The following PITPNM1 variants were observed in gnomAD, a reference collection of about 807,000 sequenced individuals.
PITPNM1 encodes the protein membrane-associated phosphatidylinositol transfer protein 1.
PITPNM1 carries 74 observed loss-of-function variants against 133.3 expected under a neutral mutation model. The ratio of observed to expected loss-of-function variants is 0.56; its 90% CI spans 0.46 to 0.67. The LOEUF (loss-of-function observed/expected upper bound fraction) is 0.67. PITPNM1 is among the 30% of genes least tolerant of loss of function. PITPNM1 has a pLI of 0.00. For missense variants in PITPNM1, 1,398 were observed against 1,739.5 expected, an observed-to-expected ratio of 0.80 and a Z score of 3.49; for synonymous variants, 738 against 741.4, an observed-to-expected ratio of 1.00 and a Z score of 0.08.
In PITPNM1 at chr11:67,497,928, G is replaced by A. The variant is rs1418076305; in HGVS notation, c.1771C>T (p.Arg591Cys). ...AGTGSRGSSR[R>C]GSMNNELLSP... ...TTGGCTATACTGACCATGCTCCCAC[G>A]GCGGCTGCTGCCCCGACTCCCGGTG... is the stretch of plus-strand genomic sequence containing the variant. The change falls in exon 12 of 24, where the codon CGT (arginine) becomes TGT (cysteine). Residue 591 changes from arginine (R) to cysteine (C), a missense_variant. Around this residue, in one of 5 missense-constraint regions of PITPNM1, gnomAD observed 574 missense variants for 698.7 expected, o/e 0.82. Coordinates refer to ENST00000356404, the MANE Select transcript of PITPNM1 (RefSeq NM_004910.3). 6 of 1,610,714 alleles carry A rather than the reference G, an allele frequency of 3.7e-6. No homozygotes were observed. Among genetic ancestry groups the A allele is most frequent in the Admixed American group, 1.7e-5 (1 of 60,018 alleles).
rs970825625 is a variant in PITPNM1, at chr11:67,502,144, C to A, written c.416-58G>T. 68 of 1,570,816 alleles carry A rather than the reference C, an allele frequency of 4.3e-5. No homozygotes were observed. The highest frequency in any genetic ancestry group is 5.6e-5 in the Non-Finnish European group (64 of 1,151,552). ...AGCCCCTTTGAGCCCCCGCTCCTGG[C>A]ACCCTCTTGGGACTGGATGACAGTT... On this transcript the variant is annotated intron_variant, in intron 4 of 23. Coordinates refer to ENST00000356404, the MANE Select transcript of PITPNM1 (RefSeq NM_004910.3). This position sits in a 1 kb window ranked among gnomAD's most constrained non-coding sequence, Gnocchi z 5.9.
intron 14 of PITPNM1, 69 bp from the exon 15 acceptor site, chr11:67,496,417 G>C: frequency 7.0e-7 from 1 of 1,424,248 alleles, no homozygotes; most frequent in Non-Finnish European, 9.4e-7. Context: ...GAGGTAGGGG[G>C]TGTGGGAGCA....
Position 67,504,050 on chromosome 11 carries a change from G to T in PITPNM1, c.78+53C>A. On this transcript the variant is annotated intron_variant, in intron 2 of 23. Transcript: ENST00000356404. The surrounding 1 kb of genome is among the most constrained non-coding windows in gnomAD (Gnocchi z 5.4). ...TCCCAGCCCCGGGGCAGGGCTGGCGGGGTCGGCAGGGCTCCACCCCTTGCC... is the reference window on the plus strand; with the variant it reads ...TCCCAGCCCCGGGGCAGGGCTGGCGTGGTCGGCAGGGCTCCACCCCTTGCC... 1 of 1,415,276 alleles carries T rather than the reference G, an allele frequency of 7.1e-7. No individual in the cohort carries two copies. 87.7% of individuals were successfully genotyped at this position (1,415,276 alleles called of 1,614,324 possible).
intron 23 of PITPNM1, among the ~76,000 whole-genome samples, chr11:67,492,556 A>G (rs553892126): frequency 1.3e-5 from 2 of 152,314 alleles, no homozygotes; most frequent in African/African-American, 2.4e-5. Flanking sequence ...ACAGCAGCCA[A>G]TGTTTAGCCA....
At position 67,498,253 on chromosome 11, in the gene PITPNM1, C is replaced by T. The variant is rs541197730; in HGVS notation, c.1554G>A (p.Leu518=). The part of the protein sequence containing the change: ...RSQDHIPLAA[L]PLLATSSSRY... ...GGGAGGATGAGGTGGCCAGCAGTGG[C>T]AGGGCAGCCAGTGGAATGTGGTCTT... Residue 518 remains leucine (L), a synonymous_variant, in exon 11 of 24, where the codon CTG becomes CTA. Coordinates refer to ENST00000356404, the MANE Select transcript of PITPNM1 (RefSeq NM_004910.3). This position sits in a 1 kb window ranked among gnomAD's most constrained non-coding sequence, Gnocchi z 5.7. 3 of 1,610,156 alleles carry T rather than the reference C, an allele frequency of 1.9e-6. No homozygotes were observed. Among genetic ancestry groups the T allele is most frequent in the South Asian group, 2.2e-5 (2 of 90,814 alleles).
Position 67,497,315 on chromosome 11 carries a change from A to G in PITPNM1, c.2062T>C (p.Phe688Leu). 2 of 1,612,354 alleles carry G rather than the reference A, an allele frequency of 1.2e-6. No homozygotes were observed. The highest frequency in any genetic ancestry group is 1.7e-6 in the Non-Finnish European group (2 of 1,179,500). Residue 688 changes from phenylalanine to leucine, a missense_variant, in exon 14 of 24, where the codon TTC becomes CTC. Phe to Leu is a conservative substitution (Grantham distance 22, BLOSUM62 0). Transcript: ENST00000356404. Reference sequence around the variant, plus strand: ...AAGAGGAAGAAGCCAGAGACCTTGAAGTCAAGGCGGGCAGTGCTGCTGGGG... The same window carrying G: ...AAGAGGAAGAAGCCAGAGACCTTGAGGTCAAGGCGGGCAGTGCTGCTGGGG... ...DGPSSTARLDFKVSGFFLFGS... is the reference protein window; with the variant it reads ...DGPSSTARLDLKVSGFFLFGS...
rs1280801477 is a variant in PITPNM1, at chr11:67,500,202, G to A, written c.860C>T (p.Thr287Ile). ...EARSAASNTG[T>I]PDGPEAPPGP... ...TGGGGGGGCCTCAGGCCCATCGGGG[G>A]TGCCAGTGTTGCTGGCCGCAGACCG... is the stretch of plus-strand genomic sequence containing the variant. Residue 287 changes from threonine to isoleucine, a missense_variant, in exon 6 of 24, where the codon ACC becomes ATC. This residue lies in a region of PITPNM1 where 195 missense variants were observed against 178.8 expected (regional missense o/e 1.09). Coordinates refer to ENST00000356404, the MANE Select transcript of PITPNM1 (RefSeq NM_004910.3). 1.9e-6 allele frequency: 3 copies of A among 1,603,708 alleles called. No individual in the cohort carries two copies. Among genetic ancestry groups the A allele is most frequent in the Non-Finnish European group, 2.5e-6 (3 of 1,178,914 alleles).
chr11:67,503,882 G>A, intron 2 of PITPNM1: 2 of 446,298 alleles, frequency 4.5e-6, no homozygotes, highest in Non-Finnish European at 8.0e-6. Flanking sequence ...AGATCCTGAG[G>A]AGGATTACAG....
intron 18 of PITPNM1, 37 bp downstream of exon 18, chr11:67,494,809 G>A (rs767706917): frequency 6.9e-7 from 1 of 1,446,794 alleles, no homozygotes; most frequent in Non-Finnish European, 9.7e-7. Flanking sequence ...GGCGAGAGTG[G>A]GCGAGTGGGC....
chr11:67,502,144 C>G lies in PITPNM1; in HGVS notation c.416-58G>C. ...AGCCCCTTTGAGCCCCCGCTCCTGGCACCCTCTTGGGACTGGATGACAGTT... is the reference window on the plus strand; with the variant it reads ...AGCCCCTTTGAGCCCCCGCTCCTGGGACCCTCTTGGGACTGGATGACAGTT... On this transcript the variant is annotated intron_variant, in intron 4 of 23. Coordinates refer to ENST00000356404, the MANE Select transcript of PITPNM1 (RefSeq NM_004910.3). This position sits in a 1 kb window ranked among gnomAD's most constrained non-coding sequence, Gnocchi z 5.9. 6.4e-7 allele frequency: 1 copy of G among 1,570,936 alleles called. No individual in the cohort carries two copies. Among genetic ancestry groups the G allele is most frequent in the African/African-American group, 1.3e-5 (1 of 74,158 alleles).
At position 67,504,613 on chromosome 11, in the gene PITPNM1, T is replaced by C. The variant is rs974943525; in HGVS notation, c.-41-392A>G. Reference sequence around the variant, plus strand: ...CGGGGCCCCTCCTTCCGGGCCCGCCTTCCGCGACCGGCCCCTCGGGGACCC... The same window carrying C: ...CGGGGCCCCTCCTTCCGGGCCCGCCCTCCGCGACCGGCCCCTCGGGGACCC... On this transcript the variant is annotated intron_variant, in intron 1 of 23. Coordinates refer to ENST00000356404, the MANE Select transcript of PITPNM1 (RefSeq NM_004910.3). This position sits in a 1 kb window ranked among gnomAD's most constrained non-coding sequence, Gnocchi z 5.4. 3.9e-5 allele frequency: 6 copies of C among 152,130 alleles called. No individual in the cohort carries two copies. The highest frequency in any genetic ancestry group is 1.4e-4 in the African/African-American group (6 of 41,444). 9.4% of individuals were successfully genotyped at this position (152,130 alleles called of 1,614,324 possible).
Position 67,493,447 on chromosome 11 carries a change from C to T in PITPNM1, c.3305G>A (p.Arg1102His). The change falls in exon 22 of 24, where the codon CGC (arginine) becomes CAC (histidine). Residue 1102 changes from arginine to histidine, a missense_variant. Arg to His is a conservative substitution (Grantham distance 29). Transcript: ENST00000356404. ...GCTCTGCAGAAACATTGCCTTCTGG[C>T]GTAGTGGGTCGTGGGTGAGGCCGTC... is the stretch of plus-strand genomic sequence containing the variant. ...FCDGLTHDPL[R>H]QKAMFLQSLV... 1 of 1,603,076 alleles carries T rather than the reference C, an allele frequency of 6.2e-7. No homozygotes were observed. Among genetic ancestry groups the T allele is most frequent in the Non-Finnish European group, 8.5e-7 (1 of 1,174,252 alleles).
chr11:67,492,859 G>C (rs541272677), intron 23 of PITPNM1, 75 bp downstream of exon 23: 1 of 1,528,662 alleles, frequency 6.5e-7, no homozygotes, highest in East Asian at 2.3e-5. Flanking sequence ...CCCAGAGTCC[G>C]TGGTTCCCAA....
Position 67,498,688 on chromosome 11 carries a change from G to C in PITPNM1, c.1392C>G (p.Thr464=), listed in dbSNP as rs755418278. ...CCAAGGCCTCAGGGAAGTGGATGCG[G>C]GTGACGGCCTCGAAGGCGGAGCTCA... is the stretch of plus-strand genomic sequence containing the variant. ...QTLSSAFEAV[T]RIHFPEALGH... The change falls in exon 10 of 24, where the codon ACC becomes ACG. Residue 464 remains threonine, a synonymous_variant. Coordinates refer to ENST00000356404, the MANE Select transcript of PITPNM1 (RefSeq NM_004910.3). The surrounding 1 kb of genome is among the most constrained non-coding windows in gnomAD (Gnocchi z 5.7). The C allele has an allele frequency of 1.2e-6, 2 of 1,604,174 alleles. No individual in the cohort carries two copies. The highest frequency in any genetic ancestry group is 1.1e-5 in the South Asian group (1 of 91,072).
rs773907162 is a variant in PITPNM1, at chr11:67,493,837, C to T, written c.3009G>A (p.Arg1003=). Residue 1003 remains arginine (R), a splice_region_variant and synonymous_variant, in exon 21 of 24, where the codon AGG becomes AGA. Coordinates refer to ENST00000356404, the MANE Select transcript of PITPNM1 (RefSeq NM_004910.3). ...AGCATTCGGCATAGGTGTGGTCGCC[C>T]CTGCGGCCCACGGGGCGGGGCGTGA... is the stretch of plus-strand genomic sequence containing the variant. ...IGVYPVRMVV[R]GDHTYAECCL... The T allele has an allele frequency of 1.3e-6, 2 of 1,540,334 alleles. No homozygotes were observed. Among genetic ancestry groups the T allele is most frequent in the Non-Finnish European group, 1.8e-6 (2 of 1,141,406 alleles).
Position 67,502,735 on chromosome 11 carries a change from A to T in PITPNM1, c.79-17T>A. 1.9e-6 allele frequency: 3 copies of T among 1,607,326 alleles called. No individual in the cohort carries two copies. The highest frequency in any genetic ancestry group is 2.2e-5 in the South Asian group (2 of 91,006). On this transcript the variant is annotated splice_polypyrimidine_tract_variant and intron_variant, in intron 2 of 23. Transcript: ENST00000356404. This position sits in a 1 kb window ranked among gnomAD's most constrained non-coding sequence, Gnocchi z 5.9. ...GCTCTTTTTCTGTGGCCCAAGGGAG[A>T]GCAGGACAGGGAGCTCAGCCCCAGC... is the stretch of plus-strand genomic sequence containing the variant.
In PITPNM1 at chr11:67,500,287, AC is replaced by A; in HGVS notation, c.774del (p.Lys258AsnfsTer111). ...TARMLAQRMAKCNTGSEGSEA... is the reference protein window; with the variant it reads ...TARMLAQRMAXCNTGSEGSEA... ...TCGGACCCCTCACTGCCTGTGTTGC[AC>A]TTGGCCATGCGCTGGGCCAGCATGC... On this transcript the variant is annotated frameshift_variant, in exon 6 of 24. Coordinates refer to ENST00000356404, the MANE Select transcript of PITPNM1 (RefSeq NM_004910.3). LOFTEE classifies it high-confidence loss of function. 6.2e-7 allele frequency: 1 copy of A among 1,610,394 alleles called. No homozygotes were observed.
intron 5 of PITPNM1, among the ~76,000 whole-genome samples, chr11:67,500,982 A>C (rs1215975953): frequency 1.3e-5 from 2 of 152,254 alleles, no homozygotes; most frequent in Non-Finnish European, 2.9e-5. Context: ...GAATCTTAGT[A>C]GTGGCTATAT....
At chr11:67,493,175 G>A (rs1713588549) in intron 22 of PITPNM1, 113 bp from the exon 23 acceptor site, 2 of 1,333,450 alleles carry the variant, frequency 1.5e-6, no homozygotes, top group African/African-American at 2.9e-5. Context: ...AGACGGAGGC[G>A]AAGACAGGTC....
Sources: allele counts gnomAD v4.1 joint callset (sites outside exome capture counted in the v4.1 genomes callset), GRCh38; gene constraint gnomAD v4.1.1; regional missense constraint gnomAD v4.1.1; non-coding constraint Gnocchi (gnomAD v3.1); transcripts MANE v1.5; gene names NCBI Gene and HGNC (gene_info 2026-07-23, HGNC 2026-07-21).